FGF13: variants seen among roughly 807,000 people sequenced by gnomAD.
The protein encoded by FGF13 is fibroblast growth factor homologous factor 2.
In FGF13, 2 loss-of-function variants were observed where a neutral mutation model predicts 19.5. That is an observed-to-expected ratio of 0.10 (90% CI 0.04 to 0.32). The LOEUF is 0.32. Among genes scored for constraint, FGF13 ranks in the 10% least tolerant of loss-of-function variants. FGF13 has a pLI of 1.00. For missense variants in FGF13, 113 were observed against 192.7 expected (o/e 0.59, Z 2.45); for synonymous variants, 72 against 76.9 (o/e 0.94, Z 0.33).
chrX:138,950,969 C>A (rs1050880702), intron 1 of FGF13, among the ~76,000 whole-genome samples: 1 of 111,223 alleles, frequency 9.0e-6, no homozygotes, highest in African/African-American at 3.3e-5. Context: ...ACAACAGACA[C>A]CACTCGTTGA....
At chrX:139,034,652 C>T (rs1447208509) in intron 1 of FGF13, among the ~76,000 whole-genome samples, 1 of 110,985 alleles carries the variant, frequency 9.0e-6, no homozygotes, top group South Asian at 3.8e-4. Flanking sequence ...GTAGCAAATG[C>T]GGATTCCAAG....
At chrX:138,874,539 C>T (rs151083892) in intron 1 of FGF13, among the ~76,000 whole-genome samples, 1,659 of 111,576 alleles carry the variant, frequency 0.015, 42 homozygotes, top group African/African-American at 0.051. Flanking sequence ...CATCACTTGA[C>T]GCAAGTCTCT....
chrX:138,773,295 G>C (rs2090562705), intron 3 of FGF13, among the ~76,000 whole-genome samples: 1 of 111,514 alleles, frequency 9.0e-6, no homozygotes, highest in Non-Finnish European at 1.9e-5. Context: ...CCTTCCAGTG[G>C]GGTCACTTGC....
At chrX:139,104,610 T>A (rs1163877168) in intron 1 of FGF13, among the ~76,000 whole-genome samples, 1 of 111,774 alleles carries the variant, frequency 8.9e-6, no homozygotes, top group Admixed American at 9.5e-5. Flanking sequence ...AAGTGGCTTA[T>A]AAACACCATA....
chrX:138,997,233 C>T lies in FGF13; in HGVS notation c.-112-132583G>A, dbSNP rs184555115. On this transcript the variant is annotated intron_variant, in intron 1 of 2. Transcript: ENST00000421460. ...AACCACAAAGATGGGGAGGAACCAG[C>T]GCAGAAAGGCTGAAAATTCCCAAAA... Among the ~76,000 whole-genome samples the T allele has an allele frequency of 8.1e-4, 91 of 112,149 alleles. 1 individual carries two copies. The highest frequency in any genetic ancestry group is 1.5e-3 in the Non-Finnish European group (80 of 53,225).
intron 1 of FGF13, among the ~76,000 whole-genome samples, chrX:138,916,874 G>A (rs955606533): frequency 2.7e-5 from 3 of 111,606 alleles, no homozygotes; most frequent in East Asian, 2.8e-4. Flanking sequence ...AAGGTGTCCC[G>A]GCTTCTGGAC....
intron 1 of FGF13, among the ~76,000 whole-genome samples, chrX:138,725,156 A>T (rs2090175699): frequency 8.9e-6 from 1 of 111,957 alleles, no homozygotes; most frequent in Non-Finnish European, 1.9e-5. Flanking sequence ...AAACCACCTC[A>T]GAGAACCATC....
At chrX:139,121,627 A>G (rs1207364953) in intron 1 of FGF13, among the ~76,000 whole-genome samples, 1 of 111,016 alleles carries the variant, frequency 9.0e-6, no homozygotes, top group Non-Finnish European at 1.9e-5. Context: ...TCCTGGGTGC[A>G]AGTGATCCTC....
At chrX:138,793,648 G>A (rs1320874379) in intron 3 of FGF13, among the ~76,000 whole-genome samples, 1 of 111,922 alleles carries the variant, frequency 8.9e-6, no homozygotes, top group South Asian at 3.7e-4. Flanking sequence ...GCTTCAGCTA[G>A]GCTTCAATTA....
At position 139,143,773 on chromosome X, in the gene FGF13, T is replaced by A. The variant is rs2083865255; in HGVS notation, c.-113+59643A>T. ...CTCCAACCAGACTCCACTAGGGCAT[T>A]GCTGGAGCCTTTGAGCACAGATTGG... is the stretch of plus-strand genomic sequence containing the variant. On this transcript the variant is annotated intron_variant, in intron 1 of 2. Coordinates refer to the FGF13 transcript ENST00000421460. Among the ~76,000 whole-genome samples, 4 of 111,677 alleles carry A rather than the reference T, an allele frequency of 3.6e-5. No individual in the cohort carries two copies. In the South Asian group the frequency reaches 1.5e-3, roughly 43 times the overall value.
At chrX:138,727,457 A>G (rs1413511625) in intron 1 of FGF13, among the ~76,000 whole-genome samples, 2 of 111,282 alleles carry the variant, frequency 1.8e-5, no homozygotes, top group African/African-American at 6.5e-5. Context: ...AATTTGTTCA[A>G]CCTTCCTGAG....
chrX:138,734,412 T>C (rs1266562064), intron 1 of FGF13, among the ~76,000 whole-genome samples: 1 of 111,398 alleles, frequency 9.0e-6, no homozygotes, highest in Non-Finnish European at 1.9e-5. Context: ...TGCTATCAGT[T>C]AGGGAAATAA....
At position 138,710,836 on chromosome X, in the gene FGF13, C is replaced by G. The variant is rs1275677237; in HGVS notation, c.168G>C (p.Lys56Asn). The G allele has an allele frequency of 6.6e-6, 8 of 1,211,130 alleles. No homozygotes were observed. The highest frequency in any genetic ancestry group is 6.7e-6 in the Non-Finnish European group (6 of 895,419). ...TCCGACCTGGTCTTCTTCTGCGCCT[C>G]TTCTTGGAGCCGAAGAGTTTGACCC... ...FSRVKLFGSK[K>N]RRRRRPEPQL... The change falls in exon 1 of 5, where the codon AAG (lysine) becomes AAC (asparagine). Residue 56 changes from lysine to asparagine, a missense_variant. By Grantham distance (94) the Lys-to-Asn change is moderately conservative (BLOSUM62 0). Around this residue, in one of 4 missense-constraint regions of FGF13, gnomAD observed 51 missense variants for 78.5 expected, o/e 0.65. Coordinates refer to ENST00000315930, the MANE Select transcript of FGF13 (RefSeq NM_004114.5).
chrX:139,118,195 T>C (rs946092453), intron 1 of FGF13, among the ~76,000 whole-genome samples: 3 of 111,994 alleles, frequency 2.7e-5, no homozygotes, highest in African/African-American at 9.7e-5. Context: ...TGCCCCTTTA[T>C]AGAAATGTAC....
At chrX:138,883,956 G>A (rs1430321814) in intron 1 of FGF13, among the ~76,000 whole-genome samples, 3 of 112,348 alleles carry the variant, frequency 2.7e-5, no homozygotes, top group Non-Finnish European at 5.6e-5. Context: ...TTCTCCAGAA[G>A]GGTATAGCAG....
chrX:139,177,832 C>T (rs941799896), intron 1 of FGF13, among the ~76,000 whole-genome samples: 1 of 112,256 alleles, frequency 8.9e-6, no homozygotes, highest in Non-Finnish European at 1.9e-5. Context: ...CATTTTTGTG[C>T]TTCAAACCCA....
At chrX:138,807,980 A>G (rs766388214) in intron 3 of FGF13, among the ~76,000 whole-genome samples, 79 of 111,581 alleles carry the variant, frequency 7.1e-4, no homozygotes, top group Non-Finnish European at 1.4e-3. Flanking sequence ...AGACTCCCAC[A>G]CAATGACAAA....
chrX:139,076,106 C>T (rs1203515270), intron 1 of FGF13, among the ~76,000 whole-genome samples: 1 of 111,496 alleles, frequency 9.0e-6, no homozygotes, highest in Non-Finnish European at 1.9e-5. Flanking sequence ...GATGATTATA[C>T]TGGTTCCCTT....
upstream of FGF13, among the ~76,000 whole-genome samples, chrX:138,713,595 G>A (rs192520102): frequency 8.0e-5 from 9 of 111,914 alleles, no homozygotes; most frequent in Non-Finnish European, 1.7e-4. Context: ...GATTCAGGAA[G>A]GGGATAGACC....
Sources: gnomAD v4.1 joint callset for allele counts (sites outside exome capture counted in the v4.1 genomes callset) on GRCh38, gnomAD v4.1.1 for gene constraint, gnomAD v4.1.1 regional missense constraint, MANE v1.5 for transcripts, NCBI Gene and HGNC (gene_info 2026-07-23, HGNC 2026-07-21) for gene names.